The following MIB2 variants were observed in gnomAD, a reference collection of about 807,000 sequenced individuals.
MIB2 encodes the protein MIB E3 ubiquitin protein ligase 2, also known as E3 ubiquitin-protein ligase MIB2.
Under a neutral mutation model 96.6 loss-of-function variants are expected in MIB2, and 78 were observed. The ratio of observed to expected loss-of-function variants is 0.81; its 90% CI spans 0.67 to 0.97. The LOEUF (loss-of-function observed/expected upper bound fraction) is 0.97. Among genes scored for constraint, MIB2 ranks in the 50% least tolerant of loss-of-function variants. MIB2 has a pLI of 0.00. For missense variants in MIB2, 1,543 were observed against 1,424.0 expected, an observed-to-expected ratio of 1.08 and a Z score of -1.35; for synonymous variants, 820 against 629.5, an observed-to-expected ratio of 1.30 and a Z score of -4.53.
intron 2 of MIB2, among the ~76,000 whole-genome samples, chr1:1,620,392 C>T (rs1332281983): frequency 1.3e-5 from 2 of 152,204 alleles, no homozygotes; most frequent in Non-Finnish European, 2.9e-5. Context: ...CAAAGACCTC[C>T]AGTCGGTTCT....
chr1:1,615,099 C>T (rs1371006408), upstream of MIB2: 1 of 279,080 alleles, frequency 3.6e-6, no homozygotes, highest in Non-Finnish European at 6.8e-6. Context: ...CAGGAGAAAG[C>T]GAGAAGCAAG....
intron 2 of MIB2, among the ~76,000 whole-genome samples, chr1:1,622,908 C>T (rs1020343508): frequency 2.6e-5 from 4 of 152,268 alleles, no homozygotes; most frequent in African/African-American, 9.6e-5. Flanking sequence ...TCGTGTTTGC[C>T]GTTTTTCTGT....
chr1:1,630,476 C>A lies in MIB2; in HGVS notation c.2814C>A (p.Ser938Arg). The change falls in exon 20 of 20, where the codon AGC becomes AGA. Residue 938 changes from serine (S) to arginine (R), a missense_variant. Transcript: ENST00000355826. ...GCGCCCCCTGCGGCTCCGCGCTCAG[C>A]GCCTGCCCCATCTGCCGCCAGCCCA... ...GACAPCGSAL[S>R]ACPICRQPIR... 6.3e-7 allele frequency: 1 copy of A among 1,593,530 alleles called. No homozygotes were observed. The highest frequency in any genetic ancestry group is 8.5e-7 in the Non-Finnish European group (1 of 1,174,372).
rs539056417 is a variant in MIB2, at chr1:1,616,537, G to T, written c.-100G>T. On this transcript the variant is annotated 5_prime_UTR_variant, in exon 2 of 20. Coordinates refer to ENST00000355826, the MANE Select transcript of MIB2 (RefSeq NM_001170687.4). Reference sequence around the variant, plus strand: ...GGAAGCCCAGCGAGGCTAGAGGCCAGTCCCAAAGTTTCCAGGCATCAGGGC... The same window carrying T: ...GGAAGCCCAGCGAGGCTAGAGGCCATTCCCAAAGTTTCCAGGCATCAGGGC... The T allele has an allele frequency of 1.2e-6, 2 of 1,602,984 alleles. No individual in the cohort carries two copies. The highest frequency in any genetic ancestry group is 1.7e-4 in the Middle Eastern group (1 of 6,034).
In MIB2 at chr1:1,627,146, TGGA is replaced by T; in HGVS notation, c.1316_1318del (p.Glu439del). On this transcript the variant is annotated inframe_deletion, in exon 11 of 20. Transcript: ENST00000355826. ...CCAGAGCACCCGGGAAGGCTGGTGG[TGGA>T]GGTGGCGCTGGGTAACGCAGCCCGG... is the stretch of plus-strand genomic sequence containing the variant. The T allele has an allele frequency of 6.3e-7, 1 of 1,593,608 alleles. No homozygotes were observed. The highest frequency in any genetic ancestry group is 1.1e-5 in the South Asian group (1 of 89,082).
At chr1:1,621,801 G>C (rs77432776) in intron 2 of MIB2, among the ~76,000 whole-genome samples, 1,583 of 151,838 alleles carry the variant, frequency 0.01, 23 homozygotes, top group African/African-American at 0.036. Flanking sequence ...GGCACGGATC[G>C]GGGGCACGGA....
rs1379082857 is a variant in MIB2 at position 1,628,633 on chromosome 1, C to T, written c.2113C>T (p.Leu705=). Reference sequence around the variant, plus strand: ...CGAGGACGAGGAGGGGGACACAGCCCTGCACGTGGCGCTGCAGCGTCATCA... The same window carrying T: ...CGAGGACGAGGAGGGGGACACAGCCTTGCACGTGGCGCTGCAGCGTCATCA... ...NAEDEEGDTA[L]HVALQRHQLL... The change falls in exon 16 of 20, where the codon CTG becomes TTG. Residue 705 remains leucine (L), a synonymous_variant. Coordinates refer to ENST00000355826, the MANE Select transcript of MIB2 (RefSeq NM_001170687.4). 4.4e-6 allele frequency: 7 copies of T among 1,596,416 alleles called. No homozygotes were observed. The highest frequency in any genetic ancestry group is 2.7e-5 in the African/African-American group (2 of 74,744).
upstream of MIB2, chr1:1,613,937 T>C (rs1643389507): frequency 6.6e-6 from 1 of 152,184 alleles, no homozygotes; most frequent in African/African-American, 2.4e-5. Flanking sequence ...ACGGATGTGT[T>C]TGAGCCTTTG....
Position 1,629,408 on chromosome 1 carries a change from C to CGGCCCCG in MIB2, c.2412_2418dup (p.Arg807GlyfsTer27), listed in dbSNP as rs1557624642. 7.0e-6 allele frequency: 10 copies of CGGCCCCG among 1,423,054 alleles called. No individual in the cohort carries two copies. Among genetic ancestry groups the CGGCCCCG allele is most frequent in the East Asian group, 3.1e-5 (1 of 32,178 alleles). The allele number at this position is 1,423,054 out of a possible 1,614,324, so 88.2% of individuals were successfully genotyped here. ...AGGGAGCGGCAGGCGGGCGGGGGCG[C>CGGCCCCG]GGCCCCGGGCCCCAGGCAAACGCTC... On this transcript the variant is annotated frameshift_variant, in exon 18 of 20. Coordinates refer to ENST00000355826, the MANE Select transcript of MIB2 (RefSeq NM_001170687.4). LOFTEE classifies it high-confidence loss of function.
intron 1 of MIB2, 47 bp from the exon 2 acceptor site, chr1:1,616,441 CAGACAGGCGACCGAGCCGCG>C: frequency 8.4e-7 from 1 of 1,187,856 alleles, no homozygotes; most frequent in African/African-American, 1.6e-5. Flanking sequence ...GCCCCGGGGG[CAGACAGGCGACCGAGCCGCG>C]GGTCGAGGTG....
intron 4 of MIB2, 108 bp from the exon 5 acceptor site, chr1:1,624,687 G>T: frequency 1.9e-6 from 2 of 1,052,684 alleles, no homozygotes. Flanking sequence ...AGCCCAGCAG[G>T]CTGGGTGGAC....
chr1:1,616,245 G>A (rs900561816), intron 1 of MIB2: 1 of 465,768 alleles, frequency 2.1e-6, no homozygotes, highest in Non-Finnish European at 2.9e-6. Flanking sequence ...CCCCTGCGCC[G>A]GCGCCCGTGC....
chr1:1,617,840 G>C (rs974306715), intron 2 of MIB2: 1 of 152,252 alleles, frequency 6.6e-6, no homozygotes, highest in African/African-American at 2.4e-5. Flanking sequence ...CCAGCCAGGG[G>C]CACAGCCTGT....
chr1:1,619,408 T>G (rs1644051538), intron 2 of MIB2, among the ~76,000 whole-genome samples: 1 of 152,058 alleles, frequency 6.6e-6, no homozygotes, highest in Admixed American at 6.5e-5. Flanking sequence ...CTCCAGAGGG[T>G]CCAGGATACT....
intron 19 of MIB2, among the ~76,000 whole-genome samples, chr1:1,630,059 C>T (rs1638528017): frequency 1.3e-5 from 2 of 148,808 alleles, no homozygotes; most frequent in Non-Finnish European, 3.0e-5. Context: ...CACAGCCCAC[C>T]TGCAGCCCTG....
At chr1:1,619,188 A>G (rs1034039187) in intron 2 of MIB2, 4 of 152,290 alleles carry the variant, frequency 2.6e-5, no homozygotes, top group African/African-American at 9.7e-5. Context: ...CCTGGCTAAC[A>G]CGGTGAAACC....
chr1:1,629,195 CCTGGCG>C lies in MIB2; in HGVS notation c.2270_2275del (p.Ala757_Leu758del). 2 of 1,518,136 alleles carry C rather than the reference CCTGGCG, an allele frequency of 1.3e-6. No individual in the cohort carries two copies. Among genetic ancestry groups the C allele is most frequent in the Non-Finnish European group, 1.8e-6 (2 of 1,141,654 alleles). The allele number at this position is 1,518,136 out of a possible 1,614,324, so 94.0% of individuals were successfully genotyped here. On this transcript the variant is annotated inframe_deletion, in exon 17 of 20. Coordinates refer to ENST00000355826, the MANE Select transcript of MIB2 (RefSeq NM_001170687.4). ...CGGTGGGCGCGGCGGTCGCCTGCTT[CCTGGCG>C]CTGGAGGGCGCCGACGTGAGCTACA...
chr1:1,624,628 A>T (rs1644566042), intron 4 of MIB2, 167 bp from the exon 5 acceptor site: 1 of 701,122 alleles, frequency 1.4e-6, no homozygotes, highest in Non-Finnish European at 2.5e-6. Flanking sequence ...CGTGTGGAGG[A>T]TGCTGACCTG....
rs1644832212 is a variant in MIB2, at chr1:1,626,871, T to C, written c.1112T>C (p.Phe371Ser). 6.2e-7 allele frequency: 1 copy of C among 1,604,900 alleles called. No individual in the cohort carries two copies. Among genetic ancestry groups the C allele is most frequent in the Non-Finnish European group, 8.5e-7 (1 of 1,179,588 alleles). Residue 371 changes from phenylalanine (F) to serine (S), a missense_variant, in exon 10 of 20, where the codon TTT becomes TCT. Transcript: ENST00000355826. The surrounding 1 kb of genome is among the most constrained non-coding windows in gnomAD (Gnocchi z 5.3). ...CGCGTCGGGAAGGTGGTGAAAGTGT[T>C]TGGAGACGGGAACCTGCGTGTAGCA... ...LGRVGKVVKV[F>S]GDGNLRVAVA...
Sources: allele counts gnomAD v4.1 joint callset (sites outside exome capture counted in the v4.1 genomes callset), GRCh38; gene constraint gnomAD v4.1.1; non-coding constraint Gnocchi (gnomAD v3.1); transcripts MANE v1.5; gene names NCBI Gene and HGNC (gene_info 2026-07-23, HGNC 2026-07-21).